UBE2E2: variants seen among roughly 807,000 people sequenced by gnomAD.
UBE2E2 encodes ubiquitin conjugating enzyme E2 E2, also known as ubiquitin-conjugating enzyme E2 E2.
A neutral mutation model predicts 24.7 loss-of-function variants in UBE2E2; 6 were observed. The observed-to-expected ratio is 0.24, with a 90% CI of 0.13 to 0.48. UBE2E2 has a LOEUF of 0.48. Among genes scored for constraint, UBE2E2 ranks in the 20% least tolerant of loss-of-function variants. The pLI, the probability that UBE2E2 is intolerant of heterozygous loss-of-function variation, is 0.99. For synonymous variants in UBE2E2, 104 were observed against 83.6 expected (o/e 1.24, Z -1.33); for missense variants, 169 against 245.0 (o/e 0.69, Z 2.07).
intron 3 of UBE2E2, among the ~76,000 whole-genome samples, chr3:23,382,262 G>A (rs1415050210): frequency 2.8e-5 from 4 of 142,454 alleles, no homozygotes; most frequent in Non-Finnish European, 6.0e-5. Context: ...GCTCACCGCA[G>A]CCACCACCTA....
intron 4 of UBE2E2, among the ~76,000 whole-genome samples, chr3:23,518,456 A>C (rs550766977): frequency 6.6e-6 from 1 of 152,374 alleles, no homozygotes; most frequent in East Asian, 1.9e-4. Context: ...CTTGCCACGA[A>C]GGCAGAAAGA....
intron 3 of UBE2E2, among the ~76,000 whole-genome samples, chr3:23,224,782 A>G (rs1043743163): frequency 3.3e-5 from 5 of 151,944 alleles, no homozygotes; most frequent in Admixed American, 3.3e-4. Flanking sequence ...TTTTGCTACT[A>G]TGAATAATGC....
intron 2 of UBE2E2, among the ~76,000 whole-genome samples, chr3:23,214,492 C>T (rs1259322696): frequency 6.7e-6 from 1 of 150,086 alleles, no homozygotes; most frequent in Admixed American, 6.6e-5. Context: ...CTCAAGTGAT[C>T]CTCCTGCGTC....
At chr3:23,374,190 T>G (rs1696463962) in intron 3 of UBE2E2, among the ~76,000 whole-genome samples, 1 of 152,162 alleles carries the variant, frequency 6.6e-6, no homozygotes, top group Non-Finnish European at 1.5e-5. Context: ...TTTGTCGTAT[T>G]CCCAGCTCTT....
intron 3 of UBE2E2, among the ~76,000 whole-genome samples, chr3:23,359,955 G>C (rs9757330): frequency 0.84 from 126,786 of 151,636 alleles, 53,048 homozygotes; most frequent in African/African-American, 0.89. Context: ...GCTGCCACCA[G>C]AAAGCCAGTC....
intron 3 of UBE2E2, among the ~76,000 whole-genome samples, chr3:23,473,836 G>T (rs1255925467): frequency 6.6e-6 from 1 of 152,012 alleles, no homozygotes; most frequent in Non-Finnish European, 1.5e-5. Flanking sequence ...CCACATTTTT[G>T]CAATTCCAAA....
chr3:23,305,282 C>T (rs1016397826), intron 3 of UBE2E2, among the ~76,000 whole-genome samples: 1 of 152,198 alleles, frequency 6.6e-6, no homozygotes, highest in Admixed American at 6.5e-5. Flanking sequence ...GCAGCTTTAA[C>T]AGGTATACAA....
chr3:23,584,601 T>C (rs1234016055), intron 5 of UBE2E2, among the ~76,000 whole-genome samples: 1 of 151,930 alleles, frequency 6.6e-6, no homozygotes, highest in Non-Finnish European at 1.5e-5. Context: ...TTCGCCCAGC[T>C]GGAGTACAGT....
chr3:23,524,984 G>A (rs183268941), intron 4 of UBE2E2, among the ~76,000 whole-genome samples: 96 of 152,158 alleles, frequency 6.3e-4, no homozygotes, highest in African/African-American at 2.1e-3. Flanking sequence ...TTATAGTTCC[G>A]TGGGTCAGAA....
chr3:23,365,631 G>A (rs1696231451), intron 3 of UBE2E2, among the ~76,000 whole-genome samples: 1 of 152,064 alleles, frequency 6.6e-6, no homozygotes, highest in Admixed American at 6.6e-5. Flanking sequence ...ACAAATGGAA[G>A]AACATTCCAT....
chr3:23,441,111 A>G (rs944583327), intron 3 of UBE2E2, among the ~76,000 whole-genome samples: 7 of 152,304 alleles, frequency 4.6e-5, no homozygotes, highest in East Asian at 1.9e-4. Context: ...CACTAAAATC[A>G]TTTGACCTGG....
At chr3:23,588,216 T>A (rs1239609797) in intron 5 of UBE2E2, among the ~76,000 whole-genome samples, 1 of 152,188 alleles carries the variant, frequency 6.6e-6, no homozygotes, top group Non-Finnish European at 1.5e-5. Flanking sequence ...ATGATTTTTC[T>A]CATTTTCCCT....
intron 4 of UBE2E2, among the ~76,000 whole-genome samples, chr3:23,522,783 T>C (rs554157820): frequency 9.8e-5 from 15 of 152,316 alleles, no homozygotes; most frequent in Non-Finnish European, 1.9e-4. Context: ...TTGCCTTATG[T>C]TTTGGCATAT....
At chr3:23,300,631 T>C (rs983192775) in intron 3 of UBE2E2, among the ~76,000 whole-genome samples, 1 of 152,208 alleles carries the variant, frequency 6.6e-6, no homozygotes, top group Non-Finnish European at 1.5e-5. Context: ...TTCTGGCTTG[T>C]AGAGTTTCTG....
chr3:23,319,038 A>G (rs1357405192), intron 3 of UBE2E2, among the ~76,000 whole-genome samples: 3 of 152,192 alleles, frequency 2.0e-5, no homozygotes, highest in African/African-American at 4.8e-5. Context: ...AAGCCAATGT[A>G]TATTAAATTG....
chr3:23,564,056 A>T (rs895862306), intron 5 of UBE2E2, among the ~76,000 whole-genome samples: 1 of 152,072 alleles, frequency 6.6e-6, no homozygotes, highest in East Asian at 1.9e-4. Context: ...TACCATTCCT[A>T]AGAACAACCA....
chr3:23,563,397 T>A (rs1016334359), intron 5 of UBE2E2, among the ~76,000 whole-genome samples: 2 of 152,220 alleles, frequency 1.3e-5, no homozygotes, highest in African/African-American at 4.8e-5. Context: ...AGTTTCTTAG[T>A]CCTGAGTTCT....
At chr3:23,536,003 A>G (rs1158863208) in intron 5 of UBE2E2, among the ~76,000 whole-genome samples, 1 of 152,208 alleles carries the variant, frequency 6.6e-6, no homozygotes, top group African/African-American at 2.4e-5. Flanking sequence ...GTGAATTGCC[A>G]AAGTTGAGAA....
intron 1 of UBE2E2, among the ~76,000 whole-genome samples, chr3:23,205,153 T>C (rs904689091): frequency 6.6e-6 from 1 of 152,154 alleles, no homozygotes; most frequent in Non-Finnish European, 1.5e-5. Flanking sequence ...TTAATATAGT[T>C]TTAGGAAGGA....
Sources: allele counts gnomAD v4.1 joint callset (sites outside exome capture counted in the v4.1 genomes callset), GRCh38; gene constraint gnomAD v4.1.1; transcripts MANE v1.5; gene names NCBI Gene and HGNC (gene_info 2026-07-23, HGNC 2026-07-21).